The following ERBB4 variants were observed in gnomAD, a reference collection of about 807,000 sequenced individuals.
ERBB4 encodes the protein receptor tyrosine-protein kinase erbB-4.
Under a neutral mutation model 158.0 loss-of-function variants are expected in ERBB4, and 42 were observed. The ratio of observed to expected loss-of-function variants is 0.27; its 90% CI spans 0.21 to 0.34. ERBB4 has a LOEUF of 0.34. Among genes scored for constraint, ERBB4 ranks in the 10% least tolerant of loss-of-function variants. The probability of loss-of-function intolerance (pLI) is 1.00; values close to 1 mark genes in which losing one functional copy is unlikely to be tolerated. For synonymous variants in ERBB4, 583 were observed against 558.7 expected (o/e 1.04, Z -0.61); for missense variants, 1,333 against 1,624.1 (o/e 0.82, Z 3.08).
At chr2:212,102,484 G>GA (rs200556109) in intron 2 of ERBB4, among the ~76,000 whole-genome samples, 2,606 of 151,922 alleles carry the variant, frequency 0.017, 41 homozygotes, top group Admixed American at 0.033. Flanking sequence ...TGTATTAAAA[G>GA]AAAAAAAGTC....
intron 2 of ERBB4, among the ~76,000 whole-genome samples, chr2:211,951,822 C>G (rs1223020676): frequency 6.6e-6 from 1 of 152,032 alleles, no homozygotes; most frequent in Non-Finnish European, 1.5e-5. Flanking sequence ...AACAAATATC[C>G]TTTTCTTATG....
At chr2:212,241,340 T>C (rs1188156814) in intron 1 of ERBB4, among the ~76,000 whole-genome samples, 1 of 152,170 alleles carries the variant, frequency 6.6e-6, no homozygotes, top group Non-Finnish European at 1.5e-5. Context: ...TGGATTCAAA[T>C]CTTTATACTA....
At chr2:212,027,851 A>G (rs1346360073) in intron 2 of ERBB4, among the ~76,000 whole-genome samples, 1 of 152,072 alleles carries the variant, frequency 6.6e-6, no homozygotes, top group Admixed American at 6.6e-5. Flanking sequence ...TTAACAATAT[A>G]TCTTGCATCT....
intron 3 of ERBB4, among the ~76,000 whole-genome samples, chr2:211,922,479 A>T (rs1255487968): frequency 6.6e-6 from 1 of 152,128 alleles, no homozygotes; most frequent in Non-Finnish European, 1.5e-5. Flanking sequence ...ATAAAATACT[A>T]TCTTAAAATG....
At chr2:212,049,502 G>C (rs2077344254) in intron 2 of ERBB4, among the ~76,000 whole-genome samples, 1 of 151,754 alleles carries the variant, frequency 6.6e-6, no homozygotes, top group South Asian at 2.1e-4. Context: ...TTTTGTATTG[G>C]GTCTACAATG....
At chr2:211,575,376 T>C (rs2067859122) in intron 19 of ERBB4, among the ~76,000 whole-genome samples, 1 of 152,226 alleles carries the variant, frequency 6.6e-6, no homozygotes, top group South Asian at 2.1e-4. Flanking sequence ...AAATAGTCTT[T>C]TCAGGAGGAA....
chr2:211,407,331 C>G (rs1199499107), intron 25 of ERBB4, among the ~76,000 whole-genome samples: 1 of 152,134 alleles, frequency 6.6e-6, no homozygotes, highest in Non-Finnish European at 1.5e-5. Context: ...CAATACCGGA[C>G]TCTAACTAAG....
chr2:211,622,063 A>G (rs565082258), intron 18 of ERBB4, among the ~76,000 whole-genome samples: 77 of 152,216 alleles, frequency 5.1e-4, no homozygotes, highest in Non-Finnish European at 8.8e-4. Flanking sequence ...GATCAAATTC[A>G]CAGCAGTACT....
intron 7 of ERBB4, among the ~76,000 whole-genome samples, chr2:211,721,443 C>CAAAAAAAACAAAAAAAAAA: frequency 1.8e-5 from 1 of 54,500 alleles, no homozygotes; most frequent in Non-Finnish European, 3.0e-5. Context: ...TTACTCAAAG[C>CAAAAAAAACAAAAAAAAAA]AAAAAAAAAA....
chr2:211,634,457 T>C (rs898634618), intron 16 of ERBB4, among the ~76,000 whole-genome samples: 2 of 152,190 alleles, frequency 1.3e-5, no homozygotes, highest in Non-Finnish European at 2.9e-5. Flanking sequence ...CTCCTCTGAA[T>C]TTTTATGATT....
At chr2:211,520,483 T>C (rs764955149) in intron 20 of ERBB4, among the ~76,000 whole-genome samples, 7 of 152,072 alleles carry the variant, frequency 4.6e-5, no homozygotes, top group Non-Finnish European at 1.0e-4. Flanking sequence ...GAATGGTTTT[T>C]ACATTTTTAA....
intron 1 of ERBB4, among the ~76,000 whole-genome samples, chr2:212,226,519 A>T (rs573399677): frequency 6.6e-6 from 1 of 152,262 alleles, no homozygotes; most frequent in Non-Finnish European, 1.5e-5. Context: ...TCTCTAGGAA[A>T]GAAACCATAA....
chr2:212,166,153 T>C (rs1456380030), intron 1 of ERBB4, among the ~76,000 whole-genome samples: 15 of 152,074 alleles, frequency 9.9e-5, no homozygotes. Context: ...CTAAATAAAC[T>C]ATTTTAAAGA....
chr2:212,454,645 A>G (rs370782738), intron 1 of ERBB4, among the ~76,000 whole-genome samples: 1 of 152,244 alleles, frequency 6.6e-6, no homozygotes, highest in Non-Finnish European at 1.5e-5. Context: ...TCATTAATCA[A>G]AATTTTCACT....
At chr2:212,361,774 T>C (rs2089695244) in intron 1 of ERBB4, among the ~76,000 whole-genome samples, 1 of 151,644 alleles carries the variant, frequency 6.6e-6, no homozygotes, top group African/African-American at 2.4e-5. Context: ...TCATCTACAA[T>C]AAAATAATAA....
At chr2:212,169,982 C>G (rs926345856) in intron 1 of ERBB4, among the ~76,000 whole-genome samples, 9 of 151,950 alleles carry the variant, frequency 5.9e-5, no homozygotes, top group Admixed American at 2.0e-4. Flanking sequence ...GTGAAATGGA[C>G]TAAAACAGTA....
chr2:211,695,648 A>G (rs574896140), intron 12 of ERBB4, among the ~76,000 whole-genome samples: 15 of 152,154 alleles, frequency 9.9e-5, no homozygotes, highest in African/African-American at 3.6e-4. Context: ...TAATAACATA[A>G]TAACTAATAT....
At chr2:211,472,288 AAAT>A (rs1254782700) in intron 20 of ERBB4, among the ~76,000 whole-genome samples, 1 of 149,610 alleles carries the variant, frequency 6.7e-6, no homozygotes, top group Non-Finnish European at 1.5e-5. Flanking sequence ...TGACAATAAT[AAAT>A]AATATTTATT....
intron 3 of ERBB4, among the ~76,000 whole-genome samples, chr2:211,889,343 C>T (rs2078901134): frequency 6.9e-6 from 1 of 145,948 alleles, no homozygotes; most frequent in South Asian, 2.1e-4. Flanking sequence ...AGGGTCCTCT[C>T]TGTTAGAAGG....
Sources: allele counts gnomAD v4.1 joint callset (sites outside exome capture counted in the v4.1 genomes callset), GRCh38; gene constraint gnomAD v4.1.1; transcripts MANE v1.5; gene names NCBI Gene and HGNC (gene_info 2026-07-23, HGNC 2026-07-21).